The following HEATR3 variants were observed in gnomAD, a reference collection of about 807,000 sequenced individuals.
HEATR3 encodes the protein HEAT repeat containing 3.
Under a neutral mutation model 72.8 loss-of-function variants are expected in HEATR3, and 56 were observed. The ratio of observed to expected loss-of-function variants is 0.77; its 90% CI spans 0.62 to 0.96. The LOEUF (loss-of-function observed/expected upper bound fraction) is 0.96, where lower values mean the gene tolerates loss of function less well. Among genes scored for constraint, HEATR3 ranks in the 40% least tolerant of loss-of-function variants. HEATR3 has a pLI of 0.00. For synonymous variants in HEATR3, 331 were observed against 318.1 expected (o/e 1.04, Z -0.43); for missense variants, 747 against 831.4 (o/e 0.90, Z 1.25).
rs1234610067 is a variant in HEATR3 at position 50,106,430 on chromosome 16, G to A, written c.*1369G>A. ...ATCTTTTTTAAGATACCAAATAAAG[G>A]GTTATTAGTAGAAAATGAGATGATA... On this transcript the variant is annotated 3_prime_UTR_variant, in exon 15 of 15. Coordinates refer to ENST00000299192, the MANE Select transcript of HEATR3 (RefSeq NM_182922.4). 1 of 152,038 alleles carries A rather than the reference G, an allele frequency of 6.6e-6. No individual in the cohort carries two copies. The highest frequency in any genetic ancestry group is 1.5e-5 in the Non-Finnish European group (1 of 68,016). The allele number at this position is 152,038 out of a possible 1,614,324, so 9.4% of individuals were successfully genotyped here.
intron 12 of HEATR3, 123 bp from the exon 13 acceptor site, chr16:50,100,107 G>A (rs1401540692): frequency 1.2e-6 from 1 of 852,546 alleles, no homozygotes; most frequent in Non-Finnish European, 1.7e-6. Context: ...TACCTGCCAG[G>A]AGTTTATGTC....
At chr16:50,082,196 A>G (rs1318080734) in intron 7 of HEATR3, among the ~76,000 whole-genome samples, 1 of 152,144 alleles carries the variant, frequency 6.6e-6, no homozygotes, top group Non-Finnish European at 1.5e-5. Context: ...GCAAAAAATT[A>G]GCCGAGAATG....
In HEATR3 at chr16:50,102,420, G is replaced by A. The variant is rs150830240; in HGVS notation, c.1905G>A (p.Pro635=). 4.2e-3 allele frequency: 6,710 copies of A among 1,613,096 alleles called. 19 individuals are homozygous for A. The highest frequency in any genetic ancestry group is 5.2e-3 in the Non-Finnish European group (6,129 of 1,179,756). ...KLLSALKEFQ[P]VFKMKIRKEG... ...TATCTGCTCTGAAAGAATTCCAGCC[G>A]GTCTTTAAAATGAAGGTTTGTAGCC... Residue 635 remains proline, a synonymous_variant, in exon 14 of 15, where the codon CCG becomes CCA. Coordinates refer to ENST00000299192, the MANE Select transcript of HEATR3 (RefSeq NM_182922.4).
intron 7 of HEATR3, among the ~76,000 whole-genome samples, chr16:50,082,989 G>A (rs1359708913): frequency 2.6e-5 from 4 of 152,108 alleles, no homozygotes; most frequent in Non-Finnish European, 1.5e-5. Context: ...AAAAAAATTA[G>A]CCAGGCATGG....
At chr16:50,068,336 T>G (rs924726655) in intron 2 of HEATR3, among the ~76,000 whole-genome samples, 1 of 152,148 alleles carries the variant, frequency 6.6e-6, no homozygotes, top group Non-Finnish European at 1.5e-5. Context: ...AAACGGGGTC[T>G]CCCGCTGTTC....
intron 13 of HEATR3, chr16:50,100,667 T>C: frequency 2.8e-6 from 1 of 358,644 alleles, no homozygotes; most frequent in Non-Finnish European, 5.1e-6. Context: ...TTTTTAAAGA[T>C]GCCTTCTGCC....
At chr16:50,076,704 ATT>A (rs764144769) in intron 6 of HEATR3, among the ~76,000 whole-genome samples, 2 of 138,034 alleles carry the variant, frequency 1.4e-5, no homozygotes, top group African/African-American at 2.6e-5. Flanking sequence ...GGACCAGTTA[ATT>A]TTTTTTTTTT....
intron 7 of HEATR3, 116 bp downstream of exon 7, chr16:50,079,134 G>T: frequency 2.0e-6 from 2 of 993,104 alleles, no homozygotes; most frequent in Non-Finnish European, 2.9e-6. Flanking sequence ...AGTGCGTTTT[G>T]GTAAAAATGA....
At position 50,102,369 on chromosome 16, in the gene HEATR3, AAG is replaced by A; in HGVS notation, c.1857_1858del (p.Arg619SerfsTer6). On this transcript the variant is annotated frameshift_variant, in exon 14 of 15. Transcript: ENST00000299192. LOFTEE classifies it high-confidence loss of function. ...DVFADGKEAE[R>X]ASIQIKLLSA... Reference sequence around the variant, plus strand: ...TTTTTGCAGATGGTAAAGAAGCCGAAAGAGCCTCGATTCAAATTAAATTATTA... The same window carrying A: ...TTTTTGCAGATGGTAAAGAAGCCGAAAGCCTCGATTCAAATTAAATTATTA... The A allele has an allele frequency of 1.2e-6, 2 of 1,614,170 alleles. No individual in the cohort carries two copies. The highest frequency in any genetic ancestry group is 1.7e-6 in the Non-Finnish European group (2 of 1,180,016).
chr16:50,104,829 C>T, intron 14 of HEATR3, 110 bp from the exon 15 acceptor site: 2 of 973,268 alleles, frequency 2.1e-6, no homozygotes, highest in South Asian at 4.0e-5. Context: ...CAAATTCTTA[C>T]AGCTATCTGC....
intron 12 of HEATR3, among the ~76,000 whole-genome samples, chr16:50,098,937 C>T (rs1249043202): frequency 1.3e-5 from 2 of 151,792 alleles, no homozygotes; most frequent in African/African-American, 4.8e-5. Flanking sequence ...AACACTATTT[C>T]TTTTTGCTTC....
intron 11 of HEATR3, among the ~76,000 whole-genome samples, chr16:50,092,157 G>A (rs2037127424): frequency 6.6e-6 from 1 of 151,702 alleles, no homozygotes; most frequent in African/African-American, 2.4e-5. Flanking sequence ...TACATATGAT[G>A]AGACCCTGTC....
intron 5 of HEATR3, chr16:50,074,165 C>T (rs1037754459): frequency 2.0e-5 from 3 of 152,154 alleles, no homozygotes; most frequent in Non-Finnish European, 4.4e-5. Context: ...ATATTTTACA[C>T]ATCTCTTAAT....
chr16:50,099,419 A>T (rs1022383308), intron 12 of HEATR3, among the ~76,000 whole-genome samples: 2 of 152,170 alleles, frequency 1.3e-5, no homozygotes, highest in Admixed American at 6.5e-5. Flanking sequence ...AGCCTGGGCA[A>T]CTTTGTGAGA....
chr16:50,066,005 A>T lies in HEATR3; in HGVS notation c.-127A>T, dbSNP rs1039137985. On this transcript the variant is annotated 5_prime_UTR_variant, in exon 1 of 15. It removes an upstream start codon present in the reference 5' UTR. Transcript: ENST00000299192. Reference sequence around the variant, plus strand: ...CCGTGCGCCTGCGCACGGCTTGCCCATGTGTGCTGCAGCCGTCAGCCGGCC... The same window carrying T: ...CCGTGCGCCTGCGCACGGCTTGCCCTTGTGTGCTGCAGCCGTCAGCCGGCC... 2.0e-4 allele frequency: 130 copies of T among 643,124 alleles called. No individual in the cohort carries two copies. Among genetic ancestry groups the T allele is most frequent in the Non-Finnish European group, 2.6e-4 (125 of 479,666 alleles). 39.8% of individuals were successfully genotyped at this position (643,124 alleles called of 1,614,324 possible).
chr16:50,079,105 A>T lies in HEATR3; in HGVS notation c.1041+87A>T. 9 of 1,345,000 alleles carry T rather than the reference A, an allele frequency of 6.7e-6. No homozygotes were observed. The South Asian group carries it at 1.3e-4, about 19-fold the overall frequency. 83.3% of individuals were successfully genotyped at this position (1,345,000 alleles called of 1,614,324 possible). On this transcript the variant is annotated intron_variant, in intron 7 of 14. Transcript: ENST00000299192. Reference sequence around the variant, plus strand: ...ATCCTTGGCTTTGCAGAAAAATGTTATAGCAAAATTAGCTATAAAGTGCGT... The same window carrying T: ...ATCCTTGGCTTTGCAGAAAAATGTTTTAGCAAAATTAGCTATAAAGTGCGT...
rs770959665 is a variant in HEATR3 at position 50,104,945 on chromosome 16, AAAG to A, written c.1931_1933del (p.Glu644del). ...TTTTGTTTTTTGTTTGCAGATACGTAAAGAAGGGAGAGGTAACTATAGCACAGA... is the reference window on the plus strand; with the variant it reads ...TTTTGTTTTTTGTTTGCAGATACGTAAAGGGAGAGGTAACTATAGCACAGA... On this transcript the variant is annotated inframe_deletion, in exon 15 of 15. Coordinates refer to ENST00000299192, the MANE Select transcript of HEATR3 (RefSeq NM_182922.4). The A allele has an allele frequency of 3.8e-6, 6 of 1,581,700 alleles. No homozygotes were observed. Among genetic ancestry groups the A allele is most frequent in the Middle Eastern group, 3.3e-4 (2 of 5,990 alleles).
At chr16:50,086,145 A>G in intron 10 of HEATR3, 70 bp from the exon 11 acceptor site, 1 of 1,418,420 alleles carries the variant, frequency 7.1e-7, no homozygotes. Context: ...AGCTTAGGCT[A>G]AAAGTTAATA....
chr16:50,090,712 A>G (rs895980352), intron 11 of HEATR3, among the ~76,000 whole-genome samples: 1 of 152,186 alleles, frequency 6.6e-6, no homozygotes, highest in Non-Finnish European at 1.5e-5. Context: ...ATTCGGCTCT[A>G]TTACATGAGT....
Sources: allele counts gnomAD v4.1 joint callset (sites outside exome capture counted in the v4.1 genomes callset), GRCh38; gene constraint gnomAD v4.1.1; transcripts MANE v1.5; gene names NCBI Gene and HGNC (gene_info 2026-07-23, HGNC 2026-07-21).